NCAPD2: variants seen among roughly 807,000 people sequenced by gnomAD.
The protein encoded by NCAPD2 is condensin complex subunit 1.
A neutral mutation model predicts 164.5 loss-of-function variants in NCAPD2; 100 were observed. The ratio of observed to expected loss-of-function variants is 0.61; its 90% CI spans 0.52 to 0.72. NCAPD2 has a LOEUF of 0.72. Ranked by LOEUF, NCAPD2 falls within the 30% of genes least tolerant of loss-of-function variation. The probability of loss-of-function intolerance (pLI) is 0.00; values close to 1 mark genes in which losing one functional copy is unlikely to be tolerated. For missense variants in NCAPD2, 1,560 were observed against 1,749.2 expected (o/e 0.89, Z 1.93); for synonymous variants, 585 against 642.6 (o/e 0.91, Z 1.36).
At chr12:6,527,208 G>T in intron 22 of NCAPD2, 145 bp downstream of exon 22, 1 of 893,082 alleles carries the variant, frequency 1.1e-6, no homozygotes, top group Non-Finnish European at 1.6e-6. Flanking sequence ...CGTAGGAAAG[G>T]TTCGTGTGAA....
intron 2 of NCAPD2, among the ~76,000 whole-genome samples, chr12:6,496,085 T>A (rs1348192240): frequency 7.0e-6 from 1 of 142,232 alleles, no homozygotes; most frequent in Non-Finnish European, 1.5e-5. Context: ...TGAGACAGGG[T>A]CTCACTCTGT....
chr12:6,502,076 A>C (rs1946043651), intron 2 of NCAPD2, among the ~76,000 whole-genome samples: 1 of 152,190 alleles, frequency 6.6e-6, no homozygotes, highest in Admixed American at 6.5e-5. Context: ...GAATGATCAG[A>C]GAGGGAAAAG....
chr12:6,518,183 G>T, intron 13 of NCAPD2: 1 of 425,850 alleles, frequency 2.3e-6, no homozygotes, highest in Non-Finnish European at 4.2e-6. Context: ...ACAATTAAAT[G>T]TTAACAGTAT....
intron 17 of NCAPD2, among the ~76,000 whole-genome samples, chr12:6,524,006 T>C (rs1239286859): frequency 6.6e-6 from 1 of 152,222 alleles, no homozygotes; most frequent in Non-Finnish European, 1.5e-5. Flanking sequence ...GGTAGCATTA[T>C]CTGCATTTTA....
intron 9 of NCAPD2, 28 bp downstream of exon 9, chr12:6,514,948 CT>C: frequency 6.2e-7 from 1 of 1,612,620 alleles, no homozygotes. Flanking sequence ...GGTCACTGAG[CT>C]TTTTCTGGGG....
intron 29 of NCAPD2, 49 bp from the exon 30 acceptor site, chr12:6,530,642 A>G (rs761717070): frequency 1.2e-6 from 2 of 1,602,712 alleles, no homozygotes; most frequent in Middle Eastern, 1.7e-4. Context: ...CTTTTTAATC[A>G]GAAGTAACTG....
chr12:6,503,482 C>G (rs917512426), intron 2 of NCAPD2, among the ~76,000 whole-genome samples: 1 of 152,006 alleles, frequency 6.6e-6, no homozygotes, highest in Non-Finnish European at 1.5e-5. Flanking sequence ...ATGAATATAT[C>G]GGTGAGGGGT....
intron 1 of NCAPD2, among the ~76,000 whole-genome samples, chr12:6,494,418 C>T (rs867357212): frequency 1.3e-5 from 2 of 152,124 alleles, no homozygotes; most frequent in African/African-American, 4.8e-5. Flanking sequence ...ACTTCAATTT[C>T]CGCTCTGTAA....
chr12:6,499,834 A>AGTGTGGCCAGGCGGT (rs1946018740), intron 2 of NCAPD2, among the ~76,000 whole-genome samples: 1 of 152,182 alleles, frequency 6.6e-6, no homozygotes. Flanking sequence ...TAAAGAAGAC[A>AGTGTGGCCAGGCGGT]GTGTGGCCAG....
In NCAPD2 at chr12:6,531,109, G is replaced by A. The variant is rs1295474024; in HGVS notation, c.4120+33G>A. ...GCTCCCGCCTGTTCCCGGCCGAGAAGGCACACAGCTAGGGTGCAGAGGGCT... is the reference window on the plus strand; with the variant it reads ...GCTCCCGCCTGTTCCCGGCCGAGAAAGCACACAGCTAGGGTGCAGAGGGCT... On this transcript the variant is annotated intron_variant, in intron 31 of 31. Coordinates refer to ENST00000315579, the MANE Select transcript of NCAPD2 (RefSeq NM_014865.4). This position sits in a 1 kb window ranked among gnomAD's most constrained non-coding sequence, Gnocchi z 4.1. 6.2e-7 allele frequency: 1 copy of A among 1,611,714 alleles called. No homozygotes were observed. The highest frequency in any genetic ancestry group is 1.1e-5 in the South Asian group (1 of 90,932).
Position 6,526,726 on chromosome 12 carries a change from C to T in NCAPD2, c.2734+111C>T, listed in dbSNP as rs554436972. 30 of 1,462,250 alleles carry T rather than the reference C, an allele frequency of 2.1e-5. No individual in the cohort carries two copies. In the South Asian group the frequency reaches 2.6e-4, roughly 13 times the overall value. 90.6% of individuals were successfully genotyped at this position (1,462,250 alleles called of 1,614,324 possible). On this transcript the variant is annotated intron_variant, in intron 21 of 31. Transcript: ENST00000315579. Reference sequence around the variant, plus strand: ...CAACAACCCTTAGTGTACACTGTGTCGTTTTTGTCTAAGTTGAAGTTGGGC... The same window carrying T: ...CAACAACCCTTAGTGTACACTGTGTTGTTTTTGTCTAAGTTGAAGTTGGGC...
chr12:6,518,999 C>T (rs1330312031), intron 13 of NCAPD2, among the ~76,000 whole-genome samples: 1 of 151,832 alleles, frequency 6.6e-6, no homozygotes, highest in African/African-American at 2.4e-5. Context: ...CATTCTCCTG[C>T]CTCAGCCTCC....
chr12:6,510,917 G>C, intron 5 of NCAPD2, 107 bp downstream of exon 5: 4 of 1,400,802 alleles, frequency 2.9e-6, no homozygotes, highest in Non-Finnish European at 3.9e-6. Flanking sequence ...TCCTCATTGA[G>C]AATTTAGGAG....
intron 2 of NCAPD2, among the ~76,000 whole-genome samples, chr12:6,504,690 C>A (rs1473697897): frequency 6.6e-6 from 1 of 151,928 alleles, no homozygotes; most frequent in Non-Finnish European, 1.5e-5. Flanking sequence ...CCGCGTCGAG[C>A]CTTAATACAT....
Position 6,514,324 on chromosome 12 carries a change from AC to A in NCAPD2, c.649del (p.Arg217AlafsTer7). ...LENPTINHQK[N>X]RPTREAITHL... ...AATCCCACCATTAATCACCAGAAGA[AC>A]CGCCCCACTCGGGAAGCCATAACAC... On this transcript the variant is annotated frameshift_variant, in exon 7 of 32. Transcript: ENST00000315579. LOFTEE classifies it high-confidence loss of function. 1.9e-6 allele frequency: 3 copies of A among 1,614,122 alleles called. No homozygotes were observed. Among genetic ancestry groups the A allele is most frequent in the Non-Finnish European group, 2.5e-6 (3 of 1,180,018 alleles).
At chr12:6,520,732 T>C (rs1159065493) in intron 13 of NCAPD2, among the ~76,000 whole-genome samples, 2 of 152,254 alleles carry the variant, frequency 1.3e-5, no homozygotes, top group African/African-American at 4.8e-5. Flanking sequence ...TGGAGTTTTT[T>C]TGAAGACTGT....
chr12:6,518,504 G>GTTTTTTTTTTTTTGTTT (rs1946227029), intron 13 of NCAPD2, among the ~76,000 whole-genome samples: 2 of 44,774 alleles, frequency 4.5e-5, no homozygotes, highest in African/African-American at 2.0e-4. Context: ...CCGTCAACAA[G>GTTTTTTTTTTTTTGTTT]TTTTTTTTTT....
At chr12:6,494,191 A>C (rs1945953333) in intron 1 of NCAPD2, 37 bp downstream of exon 1, 1 of 152,294 alleles carries the variant, frequency 6.6e-6, no homozygotes, top group Non-Finnish European at 1.5e-5. Flanking sequence ...AAGAGTAGGA[A>C]AGTCGAGTAC....
At chr12:6,504,212 T>TAGATAG (rs1204603476) in intron 2 of NCAPD2, among the ~76,000 whole-genome samples, 1 of 21,738 alleles carries the variant, frequency 4.6e-5, no homozygotes, top group Non-Finnish European at 7.7e-5. Flanking sequence ...TATATATATA[T>TAGATAG]ATATAGATAT....
Sources: gnomAD v4.1 joint callset for allele counts (sites outside exome capture counted in the v4.1 genomes callset) on GRCh38, gnomAD v4.1.1 for gene constraint, Gnocchi (gnomAD v3.1) non-coding constraint, MANE v1.5 for transcripts, NCBI Gene and HGNC (gene_info 2026-07-23, HGNC 2026-07-21) for gene names.